Variants in SCLT1 observed in about 807,000 individuals in gnomAD.
SCLT1 encodes the protein sodium channel-associated protein 1.
Under a neutral mutation model 112.8 loss-of-function variants are expected in SCLT1, and 78 were observed. That is an observed-to-expected ratio of 0.69 (90% CI 0.58 to 0.83). The LOEUF (loss-of-function observed/expected upper bound fraction) is 0.83. Ranked by LOEUF, SCLT1 falls within the 40% of genes least tolerant of loss-of-function variation. SCLT1 has a pLI of 0.00. For synonymous variants in SCLT1, 257 were observed against 254.7 expected (o/e 1.01, Z -0.09); for missense variants, 747 against 770.4 (o/e 0.97, Z 0.36).
At chr4:129,024,392 AAAATCTGCTGTTCTG>A (rs1745813967) in intron 5 of SCLT1, among the ~76,000 whole-genome samples, 1 of 152,220 alleles carries the variant, frequency 6.6e-6, no homozygotes. Flanking sequence ...GCGATTCACG[AAAATCTGCTGTTCTG>A]CAGCCACTGC....
At chr4:129,011,029 C>T (rs1166900427) in intron 5 of SCLT1, among the ~76,000 whole-genome samples, 10 of 152,180 alleles carry the variant, frequency 6.6e-5, no homozygotes, top group African/African-American at 2.4e-4. Flanking sequence ...AGGTTTTGCA[C>T]ATTCCATATG....
At chr4:129,047,512 T>C (rs938536015) in intron 2 of SCLT1, among the ~76,000 whole-genome samples, 3 of 152,082 alleles carry the variant, frequency 2.0e-5, no homozygotes, top group Admixed American at 6.6e-5. Context: ...CCTTTTCATA[T>C]AAATTTTGAA....
intron 2 of SCLT1, among the ~76,000 whole-genome samples, chr4:129,051,524 A>T (rs1748790378): frequency 6.6e-6 from 1 of 152,012 alleles, no homozygotes; most frequent in Non-Finnish European, 1.5e-5. Context: ...TTGGCTCTCT[A>T]TTGGTCTGCT....
In SCLT1 at chr4:129,044,845, G is replaced by T. The variant is rs1579826328; in HGVS notation, c.103-794C>A. ...ATCTCACCAAAAAAAAAAAAAAAAG[G>T]AAAAGAAAAAAGAAAGAGGGAAGAA... On this transcript the variant is annotated intron_variant, in intron 2 of 20. Transcript: ENST00000281142. Among the ~76,000 whole-genome samples the T allele has an allele frequency of 1.0e-4, 15 of 143,206 alleles. 1 individual carries two copies. Among genetic ancestry groups the T allele is most frequent in the Non-Finnish European group, 9.2e-5 (6 of 65,444 alleles). The allele number at this position is 143,206 out of a possible 152,430, so 93.9% of individuals were successfully genotyped here.
At chr4:128,883,763 G>A (rs1036725755), downstream of SCLT1, among the ~76,000 whole-genome samples, 3 of 152,118 alleles carry the variant, frequency 2.0e-5, no homozygotes, top group East Asian at 1.9e-4. Flanking sequence ...ACCAGGGTGC[G>A]CTAAGTTCAA....
At chr4:129,023,080 A>C (rs1401350673) in intron 5 of SCLT1, among the ~76,000 whole-genome samples, 1 of 152,234 alleles carries the variant, frequency 6.6e-6, no homozygotes, top group East Asian at 1.9e-4. Flanking sequence ...AAAATCATTT[A>C]AAGACAAGCA....
At chr4:128,970,985 T>A (rs1740639833) in intron 9 of SCLT1, 1 of 152,210 alleles carries the variant, frequency 6.6e-6, no homozygotes, top group Non-Finnish European at 1.5e-5. Context: ...ATACAATGTT[T>A]ATTTTCTTCA....
chr4:129,065,237 A>G (rs1024847177), intron 2 of SCLT1, among the ~76,000 whole-genome samples: 1 of 151,796 alleles, frequency 6.6e-6, no homozygotes, highest in African/African-American at 2.4e-5. Context: ...AATCTATTTC[A>G]TTTCATATCA....
At chr4:128,934,479 A>G (rs549162563) in intron 18 of SCLT1, among the ~76,000 whole-genome samples, 121 of 152,014 alleles carry the variant, frequency 8.0e-4, no homozygotes, top group African/African-American at 2.7e-3. Flanking sequence ...AATATTTAGC[A>G]TTCTAATTAA....
rs200598720 is a variant in SCLT1, at chr4:128,948,488, C to CT, written c.1293+7dup. 1,538 of 1,603,634 alleles carry CT rather than the reference C, an allele frequency of 9.6e-4. 2 individuals are homozygous for CT. Among genetic ancestry groups the CT allele is most frequent in the Non-Finnish European group, 1.2e-3 (1,402 of 1,176,236 alleles). On this transcript the variant is annotated splice_region_variant and intron_variant, in intron 15 of 20. Transcript: ENST00000281142. Reference sequence around the variant, plus strand: ...TTTTAGGTAGTTATATTTCCTTTTTCTTTTTACCTTTTCTAGTTCTTCTTC... The same window carrying CT: ...TTTTAGGTAGTTATATTTCCTTTTTCTTTTTTACCTTTTCTAGTTCTTCTTC...
chr4:128,910,710 A>C (rs1735026828), intron 18 of SCLT1, among the ~76,000 whole-genome samples: 1 of 152,048 alleles, frequency 6.6e-6, no homozygotes. Flanking sequence ...TTAGCTCTTT[A>C]ATACGTCTGG....
At chr4:128,998,280 C>G (rs1301308811) in intron 7 of SCLT1, among the ~76,000 whole-genome samples, 1 of 151,714 alleles carries the variant, frequency 6.6e-6, no homozygotes, top group Non-Finnish European at 1.5e-5. Flanking sequence ...GAGACCTTGT[C>G]CAATATTGGA....
At chr4:128,949,267 G>C (rs1177069673) in intron 14 of SCLT1, among the ~76,000 whole-genome samples, 1 of 143,208 alleles carries the variant, frequency 7.0e-6, no homozygotes, top group African/African-American at 2.6e-5. Context: ...TATGTTAATA[G>C]GACAGTAATC....
At chr4:128,941,098 T>C (rs942037275) in intron 17 of SCLT1, among the ~76,000 whole-genome samples, 3 of 152,084 alleles carry the variant, frequency 2.0e-5, no homozygotes, top group East Asian at 1.9e-4. Context: ...AAAAGCTCTT[T>C]AGATAAAAGC....
intron 18 of SCLT1, among the ~76,000 whole-genome samples, chr4:128,892,813 A>G (rs2125925368): frequency 6.6e-6 from 1 of 152,318 alleles, no homozygotes; most frequent in East Asian, 1.9e-4. Flanking sequence ...GACTATGAGG[A>G]GTTTGGGTAT....
At chr4:129,052,950 A>T (rs1359209488) in intron 2 of SCLT1, among the ~76,000 whole-genome samples, 1 of 152,188 alleles carries the variant, frequency 6.6e-6, no homozygotes, top group African/African-American at 2.4e-5. Context: ...CTGGTTTCAA[A>T]GAACATCTTT....
intron 18 of SCLT1, among the ~76,000 whole-genome samples, chr4:128,921,677 C>G (rs997430563): frequency 6.6e-6 from 1 of 152,026 alleles, no homozygotes; most frequent in Non-Finnish European, 1.5e-5. Flanking sequence ...AATGTAAAAC[C>G]TAAAACTACA....
intron 10 of SCLT1, among the ~76,000 whole-genome samples, chr4:128,969,823 A>G (rs1455246968): frequency 6.6e-6 from 1 of 152,184 alleles, no homozygotes; most frequent in Non-Finnish European, 1.5e-5. Flanking sequence ...GGTTCTTGTA[A>G]CACTTAGAAA....
intron 5 of SCLT1, among the ~76,000 whole-genome samples, chr4:129,006,991 G>C (rs1042169602): frequency 2.6e-5 from 4 of 152,182 alleles, no homozygotes; most frequent in Non-Finnish European, 5.9e-5. Context: ...TCCATTGTGA[G>C]TTCTTTGACC....
Sources: gnomAD v4.1 joint callset for allele counts (sites outside exome capture counted in the v4.1 genomes callset) on GRCh38, gnomAD v4.1.1 for gene constraint, MANE v1.5 for transcripts, NCBI Gene and HGNC (gene_info 2026-07-23, HGNC 2026-07-21) for gene names.